ADAM23: variants seen among roughly 807,000 people sequenced by gnomAD.
ADAM23 encodes disintegrin and metalloproteinase domain-containing protein 23.
A neutral mutation model predicts 120.1 loss-of-function variants in ADAM23; 33 were observed. That is an observed-to-expected ratio of 0.27 (90% CI 0.21 to 0.37). The LOEUF (loss-of-function observed/expected upper bound fraction) is 0.37. ADAM23 is among the 10% of genes least tolerant of loss of function. The pLI, the probability that ADAM23 is intolerant of heterozygous loss-of-function variation, is 1.00. For missense variants in ADAM23, 862 were observed against 1,058.2 expected, an observed-to-expected ratio of 0.81 and a Z score of 2.57; for synonymous variants, 367 against 375.2, an observed-to-expected ratio of 0.98 and a Z score of 0.25.
chr2:206,499,302 A>G (rs1378681351), intron 3 of ADAM23, among the ~76,000 whole-genome samples: 1 of 152,080 alleles, frequency 6.6e-6, no homozygotes, highest in Non-Finnish European at 1.5e-5. Flanking sequence ...TACACCATAT[A>G]CTATGCAGCC....
At chr2:206,459,864 C>G (rs1208682480) in intron 2 of ADAM23, among the ~76,000 whole-genome samples, 3 of 152,100 alleles carry the variant, frequency 2.0e-5, no homozygotes, top group Non-Finnish European at 4.4e-5. Flanking sequence ...GTTTTGTGTT[C>G]CCTTAAAAAA....
At chr2:206,603,662 C>G (rs1698679886) in intron 24 of ADAM23, among the ~76,000 whole-genome samples, 1 of 152,226 alleles carries the variant, frequency 6.6e-6, no homozygotes, top group Non-Finnish European at 1.5e-5. Context: ...TGAATACCCA[C>G]TTGAAGCCTC....
At chr2:206,523,876 G>T (rs1696893753) in intron 3 of ADAM23, among the ~76,000 whole-genome samples, 1 of 152,034 alleles carries the variant, frequency 6.6e-6, no homozygotes, top group African/African-American at 2.4e-5. Context: ...AGAGGGAGCG[G>T]GCACGATGCT....
intron 2 of ADAM23, among the ~76,000 whole-genome samples, chr2:206,449,538 C>T (rs1017573203): frequency 7.9e-5 from 12 of 152,086 alleles, no homozygotes; most frequent in South Asian, 2.1e-4. Flanking sequence ...GAGGCTGAGG[C>T]GGTTGGATCA....
At chr2:206,523,561 A>G (rs1696887613) in intron 3 of ADAM23, among the ~76,000 whole-genome samples, 1 of 152,116 alleles carries the variant, frequency 6.6e-6, no homozygotes, top group South Asian at 2.1e-4. Flanking sequence ...GTTTACACTC[A>G]AAGGAGTGTA....
intron 22 of ADAM23, among the ~76,000 whole-genome samples, 188 bp from the exon 23 acceptor site, chr2:206,594,549 T>G (rs1372486660): frequency 6.6e-6 from 1 of 151,944 alleles, no homozygotes; most frequent in Non-Finnish European, 1.5e-5. Flanking sequence ...AATGAAAGAG[T>G]GTTTCTTTTT....
In ADAM23 at chr2:206,609,989, C is replaced by A; in HGVS notation, c.2439C>A (p.Gly813=). Residue 813 remains glycine, a synonymous_variant, in exon 25 of 26, where the codon GGC becomes GGA. Coordinates refer to ENST00000264377, the MANE Select transcript of ADAM23 (RefSeq NM_003812.4). ...CAGCTATTGTCCTTGGGGGCACAGGCTGGGGATTTAAGTAAGCAACGCCGC... is the reference window on the plus strand; with the variant it reads ...CAGCTATTGTCCTTGGGGGCACAGGATGGGGATTTAAGTAAGCAACGCCGC... ...LVAAIVLGGT[G]WGFKNVKKRR... is the part of the protein sequence containing the mutation. 1 of 1,577,358 alleles carries A rather than the reference C, an allele frequency of 6.3e-7. No individual in the cohort carries two copies. The highest frequency in any genetic ancestry group is 2.0e-5 in the Admixed American group (1 of 50,864).
chr2:206,617,477 C>G, intron 25 of ADAM23, 102 bp from the exon 26 acceptor site: 1 of 1,310,746 alleles, frequency 7.6e-7, no homozygotes, highest in South Asian at 1.8e-5. Context: ...TGCTCTGGAA[C>G]TAGCATTATT....
chr2:206,506,825 G>A (rs1039870601), intron 3 of ADAM23, among the ~76,000 whole-genome samples: 2 of 151,968 alleles, frequency 1.3e-5, no homozygotes, highest in Admixed American at 6.6e-5. Flanking sequence ...CATGTCCCTT[G>A]GTTTTATCTA....
chr2:206,552,167 C>G (rs572947497), intron 9 of ADAM23, among the ~76,000 whole-genome samples: 1 of 151,938 alleles, frequency 6.6e-6, no homozygotes, highest in Non-Finnish European at 1.5e-5. Flanking sequence ...TATATAAATA[C>G]TTTTAGAGTA....
chr2:206,549,050 A>G (rs910646787), intron 8 of ADAM23, among the ~76,000 whole-genome samples: 7 of 152,184 alleles, frequency 4.6e-5, no homozygotes, highest in South Asian at 2.1e-4. Context: ...GGTGAATGCT[A>G]TGTAACTGAG....
rs975870288 is a variant in ADAM23, at chr2:206,540,986, T to C, written c.574-1066T>C. On this transcript the variant is annotated intron_variant, in intron 4 of 25. Transcript: ENST00000264377. Reference sequence around the variant, plus strand: ...AATATTATTTTTATAATAATAAAAATTTATTATTATTTATTTTAAAAAGCT... The same window carrying C: ...AATATTATTTTTATAATAATAAAAACTTATTATTATTTATTTTAAAAAGCT... Among the ~76,000 whole-genome samples the C allele has an allele frequency of 4.7e-5, 7 of 148,176 alleles. No homozygotes were observed. The South Asian group carries it at 1.5e-3, about 31-fold the overall frequency.
At chr2:206,589,638 GTATT>G in intron 21 of ADAM23, 124 bp downstream of exon 21, 1 of 688,362 alleles carries the variant, frequency 1.5e-6, no homozygotes, top group Non-Finnish European at 2.3e-6. Flanking sequence ...AAAATTTAAA[GTATT>G]TATTTTTAAT....
chr2:206,516,397 G>T (rs1428431490), intron 3 of ADAM23, among the ~76,000 whole-genome samples: 3 of 152,042 alleles, frequency 2.0e-5, no homozygotes, highest in Non-Finnish European at 4.4e-5. Flanking sequence ...GTCTTAGTCT[G>T]CTCAGGCTGC....
chr2:206,595,356 C>G (rs1401347562), intron 23 of ADAM23, among the ~76,000 whole-genome samples: 3 of 152,146 alleles, frequency 2.0e-5, no homozygotes, highest in Non-Finnish European at 4.4e-5. Context: ...TTTATTTCCT[C>G]TAGATTACAG....
intron 24 of ADAM23, 54 bp downstream of exon 24, chr2:206,596,216 C>A: frequency 7.6e-7 from 1 of 1,311,136 alleles, no homozygotes; most frequent in Non-Finnish European, 1.1e-6. Context: ...TGACACTGTT[C>A]CAATGCACCA....
At chr2:206,574,594 ATT>A (rs1698075760) in intron 18 of ADAM23, among the ~76,000 whole-genome samples, 1 of 152,164 alleles carries the variant, frequency 6.6e-6, no homozygotes, top group South Asian at 2.1e-4. Flanking sequence ...CCACGAAACT[ATT>A]TATTAGACAA....
At chr2:206,509,713 T>G (rs1410995041) in intron 3 of ADAM23, among the ~76,000 whole-genome samples, 1 of 152,284 alleles carries the variant, frequency 6.6e-6, no homozygotes, top group African/African-American at 2.4e-5. Flanking sequence ...CCTCCCAAAG[T>G]GCTGGGATTA....
At chr2:206,531,266 G>T (rs1257393509) in intron 4 of ADAM23, among the ~76,000 whole-genome samples, 2 of 152,178 alleles carry the variant, frequency 1.3e-5, no homozygotes, top group African/African-American at 4.8e-5. Context: ...ATCGAATCTG[G>T]ATTAGAAGAC....
Sources: allele counts gnomAD v4.1 joint callset (sites outside exome capture counted in the v4.1 genomes callset), GRCh38; gene constraint gnomAD v4.1.1; transcripts MANE v1.5; gene names NCBI Gene and HGNC (gene_info 2026-07-23, HGNC 2026-07-21).